CEP43: variants seen among roughly 807,000 people sequenced by gnomAD.
The protein encoded by CEP43 is centrosomal protein 43.
A neutral mutation model predicts 52.6 loss-of-function variants in CEP43; 36 were observed. The observed-to-expected ratio is 0.68, with a 90% CI of 0.52 to 0.90. The LOEUF is 0.90. CEP43 is among the 40% of genes least tolerant of loss of function. CEP43 has a pLI of 0.00. For synonymous variants in CEP43, 192 were observed against 172.4 expected, an observed-to-expected ratio of 1.11 and a Z score of -0.89; for missense variants, 506 against 472.8, an observed-to-expected ratio of 1.07 and a Z score of -0.65.
intron 6 of CEP43, among the ~76,000 whole-genome samples, chr6:167,012,984 C>G (rs561110250): frequency 6.6e-6 from 1 of 152,180 alleles, no homozygotes; most frequent in African/African-American, 2.4e-5. Flanking sequence ...TGCAATTTCT[C>G]TAGTACTAAA....
At chr6:167,026,759 GTT>G in intron 10 of CEP43, 144 bp downstream of exon 10, 1 of 627,732 alleles carries the variant, frequency 1.6e-6, no homozygotes, top group Non-Finnish European at 2.9e-6. Context: ...GCTTTTATGT[GTT>G]CAGGATTACA....
intron 2 of CEP43, among the ~76,000 whole-genome samples, chr6:167,000,474 A>T (rs1024917954): frequency 2.0e-5 from 3 of 152,236 alleles, no homozygotes; most frequent in Non-Finnish European, 4.4e-5. Context: ...ATAGTATGCA[A>T]CTTTTCCCAA....
chr6:167,002,828 T>TATG (rs1460931358), intron 2 of CEP43, among the ~76,000 whole-genome samples: 1 of 152,252 alleles, frequency 6.6e-6, no homozygotes, highest in East Asian at 1.9e-4. Context: ...TAAATTCCTG[T>TATG]TCATAGTAAG....
rs1470469843 is a variant in CEP43 at position 166,999,407 on chromosome 6, A to G, written c.-6A>G. On this transcript the variant is annotated 5_prime_UTR_variant, in exon 1 of 13. Transcript: ENST00000366847. ...GCGGCTTCGGCGGTTGTCTTGGAGA[A>G]GCAAGATGGCGGCGACGGCGGCCGC... is the stretch of plus-strand genomic sequence containing the variant. 3 of 1,469,890 alleles carry G rather than the reference A, an allele frequency of 2.0e-6. No individual in the cohort carries two copies. The highest frequency in any genetic ancestry group is 1.5e-5 in the African/African-American group (1 of 68,106). 91.1% of individuals were successfully genotyped at this position (1,469,890 alleles called of 1,614,324 possible).
chr6:167,002,035 G>A lies in CEP43; in HGVS notation c.157-1158G>A, dbSNP rs186363048. On this transcript the variant is annotated intron_variant, in intron 2 of 12. Coordinates refer to ENST00000366847, the MANE Select transcript of CEP43 (RefSeq NM_007045.4). ...TGTCTTTTATTTTAACAACTTTATT[G>A]AGGTAAAATTGACCTATAGTAAAGC... is the stretch of plus-strand genomic sequence containing the variant. 1.9e-3 allele frequency among the ~76,000 whole-genome samples: 285 copies of A among 152,230 alleles called. 2 individuals are homozygous for A. The highest frequency in any genetic ancestry group is 6.6e-3 in the African/African-American group (273 of 41,528).
At chr6:167,038,622 T>C (rs1358458250) in intron 12 of CEP43, among the ~76,000 whole-genome samples, 1 of 152,226 alleles carries the variant, frequency 6.6e-6, no homozygotes, top group African/African-American at 2.4e-5. Context: ...AGATGTGTTT[T>C]ATTTTAAATT....
chr6:167,022,084 A>G (rs1780245404), intron 7 of CEP43, among the ~76,000 whole-genome samples: 1 of 152,248 alleles, frequency 6.6e-6, no homozygotes, highest in Non-Finnish European at 1.5e-5. Flanking sequence ...GAAAGTGTTT[A>G]TAAATGGGAT....
At position 166,999,505 on chromosome 6, in the gene CEP43, C is replaced by A; in HGVS notation, c.93C>A (p.Asn31Lys). The A allele has an allele frequency of 6.9e-7, 1 of 1,458,990 alleles. No homozygotes were observed. 90.4% of individuals were successfully genotyped at this position (1,458,990 alleles called of 1,614,324 possible). A position where few individuals can be genotyped will look rare whatever the true frequency, so the allele number is the denominator to read the frequency against. The change falls in exon 1 of 13, where the codon AAC becomes AAA. Residue 31 changes from asparagine (N) to lysine (K), a missense_variant. By Grantham distance (94) the Asn-to-Lys change is moderately conservative. Coordinates refer to ENST00000366847, the MANE Select transcript of CEP43 (RefSeq NM_007045.4). Reference protein sequence around the residue: ...VQTLENSGVLNRIKAELRAAV... With the variant: ...VQTLENSGVLKRIKAELRAAV... ...CGCTGGAGAACAGCGGGGTCCTGAA[C>A]CGCATCAAGGTGAGGCCGGAGGCTG...
In CEP43 at chr6:167,040,270, T is replaced by G. The variant is rs1780668343; in HGVS notation, c.*292T>G. 6.7e-7 allele frequency: 1 copy of G among 1,483,512 alleles called. No homozygotes were observed. The highest frequency in any genetic ancestry group is 1.4e-5 in the South Asian group (1 of 73,720). 91.9% of individuals were successfully genotyped at this position (1,483,512 alleles called of 1,614,324 possible). A position where few individuals can be genotyped will look rare whatever the true frequency, so the allele number is the denominator to read the frequency against. ...GGGAAGGAACCCATGAAAACATCAG[T>G]GTTAAGAGCATGATGAAAGGTGTCA... On this transcript the variant is annotated 3_prime_UTR_variant, in exon 13 of 13. Coordinates refer to ENST00000366847, the MANE Select transcript of CEP43 (RefSeq NM_007045.4).
chr6:167,010,924 T>C (rs767423756), intron 6 of CEP43, 31 bp downstream of exon 6: 23 of 1,374,992 alleles, frequency 1.7e-5, no homozygotes, highest in Non-Finnish European at 2.1e-5. Flanking sequence ...GGAAGTCATG[T>C]CTGGACTTAA....
rs778898380 is a variant in CEP43, at chr6:167,003,199, A to T, written c.163A>T (p.Thr55Ser). The T allele has an allele frequency of 4.3e-5, 63 of 1,450,752 alleles. No individual in the cohort carries two copies. Among genetic ancestry groups the T allele is most frequent in the Middle Eastern group, 1.8e-4 (1 of 5,704 alleles). The allele number at this position is 1,450,752 out of a possible 1,614,324, so 89.9% of individuals were successfully genotyped here. Residue 55 changes from threonine to serine, a missense_variant, in exon 3 of 13, where the codon ACT (threonine) becomes TCT (serine). Thr to Ser is a moderately conservative substitution (Grantham distance 58). Coordinates refer to ENST00000366847, the MANE Select transcript of CEP43 (RefSeq NM_007045.4). ...LEEQEKVENKTPLVNESLKKF... is the reference protein window; with the variant it reads ...LEEQEKVENKSPLVNESLKKF... ...ATTTTTTTTTTTTTAACAGAACAAA[A>T]CTCCTTTAGTTAATGAGAGCCTGAA...
In CEP43 at chr6:167,041,133, A is replaced by T; in HGVS notation, c.*1155A>T. On this transcript the variant is annotated 3_prime_UTR_variant, in exon 13 of 13. Transcript: ENST00000366847. ...CGGCTTTTTACTACAAGTTAACTTT[A>T]TTAGTAAAAGGAGCAAATTAGACCT... 5 of 1,042,850 alleles carry T rather than the reference A, an allele frequency of 4.8e-6. No individual in the cohort carries two copies. The highest frequency in any genetic ancestry group is 5.8e-6 in the Non-Finnish European group (5 of 865,266). The allele number at this position is 1,042,850 out of a possible 1,614,324, so 64.6% of individuals were successfully genotyped here. A position where few individuals can be genotyped will look rare whatever the true frequency, so the allele number is the denominator to read the frequency against.
chr6:167,003,329 G>C (rs1021986982), intron 3 of CEP43, 82 bp downstream of exon 3: 24 of 759,154 alleles, frequency 3.2e-5, no homozygotes, highest in Non-Finnish European at 4.4e-5. Flanking sequence ...AGGAATTTCA[G>C]GGCTTTTTTT....
intron 8 of CEP43, 52 bp downstream of exon 8, chr6:167,022,687 A>C: frequency 1.7e-6 from 2 of 1,155,616 alleles, no homozygotes; most frequent in Non-Finnish European, 2.5e-6. Context: ...AATAAGATAA[A>C]TGTTTTCATT....
intron 6 of CEP43, among the ~76,000 whole-genome samples, chr6:167,011,270 A>G (rs1228814605): frequency 6.6e-6 from 1 of 152,210 alleles, no homozygotes. Context: ...TTGAATGAAT[A>G]TTTTAGACTT....
intron 7 of CEP43, among the ~76,000 whole-genome samples, chr6:167,017,976 ATGTGT>A (rs1305339515): frequency 1.4e-5 from 2 of 146,190 alleles, no homozygotes; most frequent in East Asian, 2.3e-4. Flanking sequence ...AAAACAACAC[ATGTGT>A]TGTGTCACAG....
At chr6:167,003,583 A>G in intron 3 of CEP43, 140 bp from the exon 4 acceptor site, 2 of 592,278 alleles carry the variant, frequency 3.4e-6, no homozygotes, top group Non-Finnish European at 5.9e-6. Flanking sequence ...ACTTAATCAT[A>G]TTATTCAAAG....
In CEP43 at chr6:167,003,790, T is replaced by G. The variant is rs754807348; in HGVS notation, c.279T>G (p.Val93=). Residue 93 remains valine, a synonymous_variant, in exon 4 of 13, where the codon GTT becomes GTG. Transcript: ENST00000366847. ...QFFNLDFTLA[V]FQPETSTLQG... is the part of the protein sequence containing the mutation. ...TTAACCTTGACTTTACTTTGGCTGT[T>G]TTTCAACCTGAAACTAGCACAGTAA... The G allele has an allele frequency of 6.8e-6, 11 of 1,608,770 alleles. No individual in the cohort carries two copies. The highest frequency in any genetic ancestry group is 1.6e-4 in the Middle Eastern group (1 of 6,064).
chr6:167,026,779 C>T (rs938888419), intron 10 of CEP43, among the ~76,000 whole-genome samples, 164 bp downstream of exon 10: 1 of 152,180 alleles, frequency 6.6e-6, no homozygotes, highest in Admixed American at 6.5e-5. Context: ...ACACGCTATG[C>T]GAGAGATGGC....
Sources: allele counts gnomAD v4.1 joint callset (sites outside exome capture counted in the v4.1 genomes callset), GRCh38; gene constraint gnomAD v4.1.1; transcripts MANE v1.5; gene names NCBI Gene and HGNC (gene_info 2026-07-23, HGNC 2026-07-21).